SYNJ2: variants seen among roughly 807,000 people sequenced by gnomAD.
SYNJ2 encodes the protein polyphosphatidylinositol phosphatase SYNJ2.
In SYNJ2, 116 loss-of-function variants were observed where a neutral mutation model predicts 141.3. That is an observed-to-expected ratio of 0.82 (90% CI 0.71 to 0.96). The LOEUF is 0.96. Ranked by LOEUF, SYNJ2 falls within the 40% of genes least tolerant of loss-of-function variation. The pLI, the probability that SYNJ2 is intolerant of heterozygous loss-of-function variation, is 0.00. For missense variants in SYNJ2, 1,873 were observed against 1,934.8 expected (o/e 0.97, Z 0.60); for synonymous variants, 745 against 777.7 (o/e 0.96, Z 0.70).
At chr6:158,090,542 G>GTTTTTTTTTT (rs58356198) in intron 25 of SYNJ2, among the ~76,000 whole-genome samples, 6 of 113,918 alleles carry the variant, frequency 5.3e-5, no homozygotes, top group Admixed American at 1.1e-4. Context: ...TTTTTTTTTT[G>GTTTTTTTTTT]TTTTTTTTTT....
chr6:158,014,008 A>G (rs764822840), intron 1 of SYNJ2, among the ~76,000 whole-genome samples: 2 of 152,366 alleles, frequency 1.3e-5, no homozygotes, highest in Admixed American at 6.5e-5. Context: ...TCCTTCCAGT[A>G]TGATTTTTCA....
At position 158,096,306 on chromosome 6, in the gene SYNJ2, T is replaced by G; in HGVS notation, c.4433T>G (p.Ile1478Ser). ...EHKTLGHWVT[I>S]SDQEKRTALQ... ...AAAACCTTAGGTCACTGGGTGACAA[T>G]CAGTGACCAAGAAAAGAGGACAGCA... Residue 1478 changes from isoleucine to serine, a missense_variant, in exon 27 of 27, where the codon ATC becomes AGC. Physicochemically the swap from Ile to Ser is moderately radical, Grantham distance 142 (BLOSUM62 -2). Coordinates refer to ENST00000355585, the MANE Select transcript of SYNJ2 (RefSeq NM_003898.4). The G allele has an allele frequency of 5.0e-6, 8 of 1,613,664 alleles. No homozygotes were observed. The highest frequency in any genetic ancestry group is 6.8e-6 in the Non-Finnish European group (8 of 1,179,928).
chr6:158,054,650 G>A (rs1479645134), intron 5 of SYNJ2, among the ~76,000 whole-genome samples: 2 of 152,186 alleles, frequency 1.3e-5, no homozygotes, highest in Admixed American at 6.5e-5. Flanking sequence ...TGCTATCAGA[G>A]AGCTTAGGAT....
rs1292968416 is a variant in SYNJ2, at chr6:158,071,179, T to C, written c.1941-423T>C. Among the ~76,000 whole-genome samples the C allele has an allele frequency of 6.6e-6, 1 of 152,174 alleles. No homozygotes were observed. Among genetic ancestry groups the C allele is most frequent in the Non-Finnish European group, 1.5e-5 (1 of 68,014 alleles). ...GCCAGGGTGACAGAGCGAGACTCTG[T>C]CTCAAAATAACAATAATAATTTAAA... On this transcript the variant is annotated intron_variant, in intron 14 of 26. Transcript: ENST00000355585. This position sits in a 1 kb window ranked among gnomAD's most constrained non-coding sequence, Gnocchi z 4.3.
intron 1 of SYNJ2, among the ~76,000 whole-genome samples, chr6:158,006,397 G>A (rs1297485012): frequency 1.3e-5 from 2 of 152,110 alleles, no homozygotes; most frequent in African/African-American, 4.8e-5. Context: ...TGACTAAAGT[G>A]ACAAATTCTC....
chr6:158,019,618 G>A (rs893231223), intron 2 of SYNJ2, among the ~76,000 whole-genome samples: 8 of 151,996 alleles, frequency 5.3e-5, no homozygotes, highest in Non-Finnish European at 1.2e-4. Context: ...GCCAGTCCCC[G>A]CCACCCCACA....
rs140670406 is a variant in SYNJ2, at chr6:158,066,519, T to A, written c.1601T>A (p.Met534Lys). 1.2e-6 allele frequency: 2 copies of A among 1,614,042 alleles called. No homozygotes were observed. Among genetic ancestry groups the A allele is most frequent in the African/African-American group, 2.7e-5 (2 of 74,910 alleles). Residue 534 changes from methionine to lysine, a missense_variant, in exon 12 of 27, where the codon ATG (methionine) becomes AAG (lysine). By Grantham distance (95) the Met-to-Lys change is moderately conservative. Coordinates refer to ENST00000355585, the MANE Select transcript of SYNJ2 (RefSeq NM_003898.4). ...FTNFKRIRIAMGTWNVNGGKQ... is the reference protein window; with the variant it reads ...FTNFKRIRIAKGTWNVNGGKQ... Reference sequence around the variant, plus strand: ...AATTTCAAGCGGATCCGGATTGCTATGGGGACCTGGAACGTGAACGGAGGA... The same window carrying A: ...AATTTCAAGCGGATCCGGATTGCTAAGGGGACCTGGAACGTGAACGGAGGA...
chr6:158,092,740 G>A (rs1420703173), intron 25 of SYNJ2, among the ~76,000 whole-genome samples, 186 bp from the exon 26 acceptor site: 2 of 152,136 alleles, frequency 1.3e-5, no homozygotes, highest in Non-Finnish European at 1.5e-5. Context: ...ACTCCGGCCT[G>A]GGTGGCAGAG....
chr6:158,095,035 GCTACT>G (rs1456845733), intron 26 of SYNJ2, among the ~76,000 whole-genome samples: 2 of 152,068 alleles, frequency 1.3e-5, no homozygotes, highest in African/African-American at 4.8e-5. Context: ...TGCAATCCCA[GCTACT>G]CGGGAGGCTG....
chr6:158,086,350 G>A (rs1369894489), intron 22 of SYNJ2, among the ~76,000 whole-genome samples: 2 of 152,154 alleles, frequency 1.3e-5, no homozygotes, highest in Non-Finnish European at 2.9e-5. Context: ...CTTGGGAGTG[G>A]CCAGCCATGG....
rs1056567302 is a variant in SYNJ2 at position 158,043,993 on chromosome 6, G to A, written c.795+594G>A. On this transcript the variant is annotated intron_variant, in intron 5 of 26. Coordinates refer to ENST00000355585, the MANE Select transcript of SYNJ2 (RefSeq NM_003898.4). This position sits in a 1 kb window ranked among gnomAD's most constrained non-coding sequence, Gnocchi z 4.0. ...TTCCAAGAACACATTTGTCATCAAT[G>A]GAATGACACGCTGCCTCCTTCACCA... 6.6e-6 allele frequency among the ~76,000 whole-genome samples: 1 copy of A among 152,214 alleles called. No individual in the cohort carries two copies. The highest frequency in any genetic ancestry group is 1.5e-5 in the Non-Finnish European group (1 of 68,038).
chr6:158,014,043 AT>A (rs1778363780), intron 1 of SYNJ2, among the ~76,000 whole-genome samples: 1 of 152,228 alleles, frequency 6.6e-6, no homozygotes, highest in Admixed American at 6.5e-5. Context: ...TGAAAGTGAT[AT>A]GCATTCAGTA....
intron 6 of SYNJ2, among the ~76,000 whole-genome samples, chr6:158,057,314 A>G (rs1309427374): frequency 6.6e-6 from 1 of 151,936 alleles, no homozygotes; most frequent in African/African-American, 2.4e-5. Flanking sequence ...GCGTCCCCTT[A>G]CACCCTGGGT....
intron 11 of SYNJ2, 131 bp downstream of exon 11, chr6:158,065,122 T>C (rs1415526705): frequency 8.4e-7 from 1 of 1,191,256 alleles, no homozygotes; most frequent in African/African-American, 1.5e-5. Flanking sequence ...ACCATGCACC[T>C]TGCAGCTGTC....
chr6:158,002,033 C>T (rs1777882386), intron 1 of SYNJ2: 1 of 152,436 alleles, frequency 6.6e-6, no homozygotes, highest in Admixed American at 6.5e-5. Context: ...TCTTCTGAAA[C>T]CTTTCCTCAA....
chr6:158,088,506 C>T (rs1226500303), intron 23 of SYNJ2, among the ~76,000 whole-genome samples, 154 bp from the exon 24 acceptor site: 1 of 152,172 alleles, frequency 6.6e-6, no homozygotes, highest in Non-Finnish European at 1.5e-5. Flanking sequence ...GAAGGCCTGG[C>T]TCTGTGGGTG....
In SYNJ2 at chr6:158,028,775, C is replaced by T. The variant is rs911735387; in HGVS notation, c.234C>T (p.Phe78=). Residue 78 remains phenylalanine, a synonymous_variant, in exon 3 of 27, where the codon TTC becomes TTT. Transcript: ENST00000355585. ...TTCCAGGTGGCACGTCTCTGAGCTT[C>T]CTGGTGTTGGTGACAGGCTGCACAT... The part of the protein sequence containing the change: ...RLKSGGTSLS[F]LVLVTGCTSV... 2.2e-5 allele frequency: 35 copies of T among 1,614,028 alleles called. No homozygotes were observed. The highest frequency in any genetic ancestry group is 2.7e-5 in the African/African-American group (2 of 74,910).
chr6:158,081,235 A>G lies in SYNJ2; in HGVS notation c.2694A>G (p.Ser898=). 1 of 1,614,072 alleles carries G rather than the reference A, an allele frequency of 6.2e-7. No individual in the cohort carries two copies. Among genetic ancestry groups the G allele is most frequent in the Non-Finnish European group, 8.5e-7 (1 of 1,180,022 alleles). Reference sequence around the variant, plus strand: ...CCACTGTTGTAGTAAACCTTCAATCACCGACCTTAGAAGAGAAAAACGAGT... The same window carrying G: ...CCACTGTTGTAGTAAACCTTCAATCGCCGACCTTAGAAGAGAAAAACGAGT... ...LDATVVVNLQ[S]PTLEEKNEFP... The change falls in exon 19 of 27, where the codon TCA becomes TCG. Residue 898 remains serine, a synonymous_variant. Coordinates refer to ENST00000355585, the MANE Select transcript of SYNJ2 (RefSeq NM_003898.4).
chr6:157,990,530 G>T (rs143109711), intron 1 of SYNJ2, among the ~76,000 whole-genome samples: 3 of 152,326 alleles, frequency 2.0e-5, no homozygotes, highest in African/African-American at 7.2e-5. Flanking sequence ...GCAGAACTCT[G>T]ACTCTAAATT....
Sources: allele counts gnomAD v4.1 joint callset (sites outside exome capture counted in the v4.1 genomes callset), GRCh38; gene constraint gnomAD v4.1.1; non-coding constraint Gnocchi (gnomAD v3.1); transcripts MANE v1.5; gene names NCBI Gene and HGNC (gene_info 2026-07-23, HGNC 2026-07-21).